UTRN: variants seen among roughly 807,000 people sequenced by gnomAD.
UTRN encodes the protein utrophin.
Under a neutral mutation model 463.9 loss-of-function variants are expected in UTRN, and 283 were observed. The ratio of observed to expected loss-of-function variants is 0.61; its 90% CI spans 0.55 to 0.67. UTRN has a LOEUF of 0.67. Ranked by LOEUF, UTRN falls within the 30% of genes least tolerant of loss-of-function variation. UTRN has a pLI of 0.00. For synonymous variants in UTRN, 1,442 were observed against 1,431.5 expected (o/e 1.01, Z -0.17); for missense variants, 3,922 against 4,084.3 (o/e 0.96, Z 1.08).
At chr6:144,645,416 A>G (rs1215241986) in intron 51 of UTRN, among the ~76,000 whole-genome samples, 5 of 152,206 alleles carry the variant, frequency 3.3e-5, no homozygotes, top group Non-Finnish European at 7.3e-5. Context: ...GGCTTCAAAG[A>G]TAACTTCTGC....
chr6:144,846,643 A>AT (rs1219006839), intron 73 of UTRN, among the ~76,000 whole-genome samples, 162 bp from the exon 74 acceptor site: 1 of 152,162 alleles, frequency 6.6e-6, no homozygotes, highest in African/African-American at 2.4e-5. Flanking sequence ...AGCCAGGAAA[A>AT]AAAAAATGTG....
Position 144,417,450 on chromosome 6 carries a change from G to A in UTRN, c.142-4428G>A, listed in dbSNP as rs1047721663. Among the ~76,000 whole-genome samples, 11 of 152,150 alleles carry A rather than the reference G, an allele frequency of 7.2e-5. No homozygotes were observed. In the East Asian group the frequency reaches 7.7e-4, roughly 11 times the overall value. The stretch of plus-strand genomic sequence containing the variant: ...TGAAGAAGATGATGCTGTTTTTCTC[G>A]AAATACTATTATAAGGAAATAAATA... On this transcript the variant is annotated intron_variant, in intron 3 of 74. Coordinates refer to ENST00000367545, the MANE Select transcript of UTRN (RefSeq NM_007124.3).
intron 9 of UTRN, among the ~76,000 whole-genome samples, chr6:144,433,569 GC>G (rs1786164653): frequency 6.7e-6 from 1 of 148,590 alleles, no homozygotes; most frequent in African/African-American, 2.5e-5. Context: ...GGGCGGAGGG[GC>G]TCCTCCCTTC....
intron 2 of UTRN, among the ~76,000 whole-genome samples, chr6:144,338,199 C>T (rs961202959): frequency 3.3e-5 from 5 of 152,132 alleles, no homozygotes; most frequent in South Asian, 2.1e-4. Context: ...TACCAACAGT[C>T]GCATAATGAG....
At chr6:144,303,447 C>T (rs1307161298) in intron 2 of UTRN, among the ~76,000 whole-genome samples, 2 of 152,158 alleles carry the variant, frequency 1.3e-5, no homozygotes, top group African/African-American at 4.8e-5. Flanking sequence ...TTCAGATTTT[C>T]AACACTTTCG....
chr6:144,776,088 TG>T (rs1775296834), intron 60 of UTRN, among the ~76,000 whole-genome samples: 2 of 152,336 alleles, frequency 1.3e-5, no homozygotes, highest in Non-Finnish European at 2.9e-5. Flanking sequence ...CCAAGGCCTC[TG>T]GGCCACTCCT....
At chr6:144,513,736 A>G (rs914725506) in intron 35 of UTRN, among the ~76,000 whole-genome samples, 173 bp from the exon 36 acceptor site, 5 of 152,216 alleles carry the variant, frequency 3.3e-5, no homozygotes, top group African/African-American at 9.6e-5. Context: ...ATAGATGTGC[A>G]TTTTTAGGAA....
At chr6:144,358,255 T>C (rs1778744622) in intron 2 of UTRN, among the ~76,000 whole-genome samples, 1 of 152,246 alleles carries the variant, frequency 6.6e-6, no homozygotes, top group Admixed American at 6.5e-5. Flanking sequence ...TAAATTACCA[T>C]ATATATTAAA....
intron 52 of UTRN, among the ~76,000 whole-genome samples, chr6:144,682,312 T>G (rs1266505883): frequency 1.3e-5 from 2 of 152,196 alleles, no homozygotes; most frequent in Non-Finnish European, 2.9e-5. Context: ...CCATCCACAT[T>G]GTTGCAAATG....
intron 51 of UTRN, among the ~76,000 whole-genome samples, chr6:144,637,602 T>C (rs1777316522): frequency 6.6e-6 from 1 of 151,896 alleles, no homozygotes; most frequent in Non-Finnish European, 1.5e-5. Flanking sequence ...AAATTTTATG[T>C]ATTTTTATAC....
At chr6:144,332,297 G>A (rs1562258372) in intron 2 of UTRN, among the ~76,000 whole-genome samples, 1 of 152,238 alleles carries the variant, frequency 6.6e-6, no homozygotes, top group Non-Finnish European at 1.5e-5. Flanking sequence ...TCTTGTTCAC[G>A]ATTGTGTCCA....
intron 48 of UTRN, 139 bp from the exon 49 acceptor site, chr6:144,554,549 A>G: frequency 1.2e-6 from 1 of 863,844 alleles, no homozygotes; most frequent in South Asian, 1.8e-5. Context: ...TGTATATTAA[A>G]ATTCCTTCAA....
chr6:144,533,293 A>G (rs1056124249), intron 43 of UTRN, 33 bp downstream of exon 43: 5 of 1,606,302 alleles, frequency 3.1e-6, no homozygotes, highest in East Asian at 4.5e-5. Flanking sequence ...CAGGCACAGG[A>G]GTGAACATAT....
At chr6:144,753,724 C>T (rs956063082) in intron 56 of UTRN, among the ~76,000 whole-genome samples, 4 of 151,226 alleles carry the variant, frequency 2.6e-5, no homozygotes, top group Admixed American at 1.3e-4. Flanking sequence ...AAAATTAACC[C>T]GGCATGATTG....
chr6:144,407,296 T>C (rs1216990769), intron 3 of UTRN, among the ~76,000 whole-genome samples: 1 of 152,210 alleles, frequency 6.6e-6, no homozygotes, highest in Non-Finnish European at 1.5e-5. Context: ...TAGACATACA[T>C]TGAATATGCC....
intron 51 of UTRN, among the ~76,000 whole-genome samples, chr6:144,622,223 G>A (rs564166559): frequency 2.4e-3 from 251 of 105,154 alleles, no homozygotes; most frequent in Non-Finnish European, 3.1e-3. Context: ...GAGTCTTGCT[G>A]TGTCGTCCAG....
chr6:144,458,011 T>TA, intron 19 of UTRN, among the ~76,000 whole-genome samples: 1 of 152,374 alleles, frequency 6.6e-6, no homozygotes, highest in Admixed American at 6.5e-5. Flanking sequence ...AGGACTATGA[T>TA]AAAACCTATT....
intron 2 of UTRN, among the ~76,000 whole-genome samples, chr6:144,386,291 G>A (rs985231612): frequency 6.6e-6 from 1 of 151,994 alleles, no homozygotes; most frequent in African/African-American, 2.4e-5. Context: ...GCGAAACCTC[G>A]TGTCTACAGA....
intron 2 of UTRN, among the ~76,000 whole-genome samples, chr6:144,347,419 C>G (rs1021291480): frequency 6.6e-6 from 1 of 152,212 alleles, no homozygotes; most frequent in African/African-American, 2.4e-5. Context: ...TTACTGCTGC[C>G]TCCTAGCACC....
Sources: gnomAD v4.1 joint callset for allele counts (sites outside exome capture counted in the v4.1 genomes callset) on GRCh38, gnomAD v4.1.1 for gene constraint, MANE v1.5 for transcripts, NCBI Gene and HGNC (gene_info 2026-07-23, HGNC 2026-07-21) for gene names.